Variants in CFAP126 observed in about 807,000 individuals in gnomAD.
CFAP126 encodes cilia and flagella associated protein 126.
Under a neutral mutation model 17.1 loss-of-function variants are expected in CFAP126, and 21 were observed. That is an observed-to-expected ratio of 1.23 (90% CI 0.87 to 1.77). The LOEUF is 1.77. Among genes scored for constraint, CFAP126 ranks in the 40% most tolerant of loss-of-function variants. The pLI, the probability that CFAP126 is intolerant of heterozygous loss-of-function variation, is 0.00. For missense variants in CFAP126, 174 were observed against 215.4 expected, an observed-to-expected ratio of 0.81 and a Z score of 1.20; for synonymous variants, 65 against 73.5, an observed-to-expected ratio of 0.88 and a Z score of 0.59.
At chr1:161,367,699 T>C in intron 1 of CFAP126, 143 bp downstream of exon 1, 1 of 801,812 alleles carries the variant, frequency 1.2e-6, no homozygotes, top group Admixed American at 2.2e-5. Flanking sequence ...CTGGGCTCTC[T>C]CTATCCCTGA....
At chr1:161,366,362 G>A in intron 2 of CFAP126, 77 bp downstream of exon 2, 1 of 1,569,164 alleles carries the variant, frequency 6.4e-7, no homozygotes, top group East Asian at 2.2e-5. Context: ...GGATATGGGA[G>A]TTTAGAGAAT....
chr1:161,365,431 A>G (rs1672694592), intron 4 of CFAP126, 95 bp downstream of exon 4: 4 of 1,442,352 alleles, frequency 2.8e-6, no homozygotes, highest in Non-Finnish European at 2.9e-6. Context: ...GAGGTCCCCC[A>G]TGCTGGGATA....
At chr1:161,365,498 T>C in intron 4 of CFAP126, 28 bp downstream of exon 4, 1 of 1,610,254 alleles carries the variant, frequency 6.2e-7, no homozygotes, top group Non-Finnish European at 8.5e-7. Context: ...GACTACAGGG[T>C]TTTGGGTTAG....
chr1:161,366,209 G>A lies in CFAP126; in HGVS notation c.160C>T (p.Pro54Ser), dbSNP rs1280980359. 7 of 1,610,972 alleles carry A rather than the reference G, an allele frequency of 4.3e-6. No individual in the cohort carries two copies. Among genetic ancestry groups the A allele is most frequent in the South Asian group, 1.1e-5 (1 of 91,018 alleles). ...NDRGHLLPSV[P>S]RSKANPWGSF... ...AGATAGTATCTCACCTTGGAACGGG[G>A]CACAGAAGGCAGTAGATGACCACGA... The change falls in exon 3 of 5, where the codon CCC (proline) becomes TCC (serine). Residue 54 changes from proline to serine, a missense_variant. Physicochemically the swap from Pro to Ser is moderately conservative, Grantham distance 74 (BLOSUM62 -1). Transcript: ENST00000367974.
At chr1:161,365,863 C>G (rs375748440) in intron 3 of CFAP126, 161 bp from the exon 4 acceptor site, 4 of 730,886 alleles carry the variant, frequency 5.5e-6, no homozygotes, top group Non-Finnish European at 6.6e-6. Context: ...CTCATTTAGG[C>G]TTTGCAGGCC....
Position 161,366,277 on chromosome 1 carries a change from C to A in CFAP126, c.92G>T (p.Ser31Ile). Residue 31 changes from serine to isoleucine, a missense_variant and splice_region_variant, in exon 3 of 5, where the codon AGC becomes ATC. Physicochemically the swap from Ser to Ile is moderately radical, Grantham distance 142. Coordinates refer to ENST00000367974, the MANE Select transcript of CFAP126 (RefSeq NM_001013625.4). ...NWSPTKPTKE[S>I]ISSHEGYTQI... ...AGTGTAGCCTTCATGAGAAGAGATG[C>A]TCTGGGGTACAAGTGGGAGAGATAA... 1 of 1,613,028 alleles carries A rather than the reference C, an allele frequency of 6.2e-7. No homozygotes were observed. Among genetic ancestry groups the A allele is most frequent in the Non-Finnish European group, 8.5e-7 (1 of 1,179,156 alleles).
intron 1 of CFAP126, 126 bp downstream of exon 1, chr1:161,367,716 A>G: frequency 1.1e-6 from 1 of 926,532 alleles, no homozygotes; most frequent in Non-Finnish European, 1.7e-6. Context: ...CTGAGGAGGT[A>G]AAATATTATC....
In CFAP126 at chr1:161,364,862, G is replaced by C. The variant is rs1479154069; in HGVS notation, c.*103C>G. On this transcript the variant is annotated 3_prime_UTR_variant, in exon 5 of 5. Transcript: ENST00000367974. The stretch of plus-strand genomic sequence containing the variant: ...AGTCGCTATACGGGTTTTTCAGTGT[G>C]TGGCCACTTGGTCCATATGAAGTTC... 4.5e-6 allele frequency: 5 copies of C among 1,110,332 alleles called. No homozygotes were observed. The Admixed American group carries it at 1.1e-4, about 24-fold the overall frequency. The allele number at this position is 1,110,332 out of a possible 1,614,324, so 68.8% of individuals were successfully genotyped here.
Position 161,364,778 on chromosome 1 carries a change from C to G in CFAP126, c.*187G>C. ...TTTATTTTCCAAATTTGCTTTTACT[C>G]CCACCCCAAAATTTCCCTGTTTCAC... On this transcript the variant is annotated 3_prime_UTR_variant, in exon 5 of 5. Coordinates refer to ENST00000367974, the MANE Select transcript of CFAP126 (RefSeq NM_001013625.4). 2 of 556,750 alleles carry G rather than the reference C, an allele frequency of 3.6e-6. No homozygotes were observed. Among genetic ancestry groups the G allele is most frequent in the Non-Finnish European group, 6.0e-6 (2 of 331,506 alleles). 34.5% of individuals were successfully genotyped at this position (556,750 alleles called of 1,614,324 possible).
At chr1:161,366,635 G>A in intron 1 of CFAP126, 134 bp from the exon 2 acceptor site, 1 of 809,746 alleles carries the variant, frequency 1.2e-6, no homozygotes, top group South Asian at 1.5e-5. Context: ...ACTATGACAA[G>A]GGTGTAATTT....
intron 3 of CFAP126, 97 bp from the exon 4 acceptor site, chr1:161,365,799 G>T: frequency 1.7e-6 from 2 of 1,146,220 alleles, no homozygotes; most frequent in Non-Finnish European, 2.5e-6. Flanking sequence ...AGGAATGCAT[G>T]GTTATGAAAC....
At chr1:161,365,471 G>T in intron 4 of CFAP126, 55 bp downstream of exon 4, 1 of 1,583,014 alleles carries the variant, frequency 6.3e-7, no homozygotes, top group South Asian at 1.1e-5. Flanking sequence ...CATTTTTTGA[G>T]GTTGAAAAGA....
chr1:161,365,426 C>A (rs2102392622), intron 4 of CFAP126, 100 bp downstream of exon 4: 2 of 1,397,156 alleles, frequency 1.4e-6, no homozygotes, highest in Non-Finnish European at 2.0e-6. Flanking sequence ...GGTTAGAGGT[C>A]CCCCATGCTG....
At chr1:161,366,544 C>T in intron 1 of CFAP126, 43 bp from the exon 2 acceptor site, 1 of 1,559,064 alleles carries the variant, frequency 6.4e-7, no homozygotes, top group Non-Finnish European at 8.8e-7. Context: ...CTTCAAGGCC[C>T]CAAACCCAGG....
In CFAP126 at chr1:161,364,985, G is replaced by C. The variant is rs1423065313; in HGVS notation, c.514C>G (p.Gln172Glu). The C allele has an allele frequency of 6.2e-7, 1 of 1,614,048 alleles. No individual in the cohort carries two copies. ...HPSAGHTPGP[Q>E]RPAKS ...GGCTCTTAGGATTTGGCTGGTCTTT[G>C]GGGACCTGGAGTATGACCTGCAGAG... Residue 172 changes from glutamine (Q) to glutamate (E), a missense_variant, in exon 5 of 5, where the codon CAA (glutamine) becomes GAA (glutamate). Gln to Glu is a conservative substitution (Grantham distance 29). Transcript: ENST00000367974.
At chr1:161,365,809 CAA>C in intron 3 of CFAP126, 107 bp from the exon 4 acceptor site, 1 of 1,084,388 alleles carries the variant, frequency 9.2e-7, no homozygotes, top group South Asian at 1.6e-5. Context: ...GGTTATGAAA[CAA>C]GACTGAAAGC....
rs777431624 is a variant in CFAP126 at position 161,367,838 on chromosome 1, T to C, written c.27+4A>G. 6.8e-6 allele frequency: 11 copies of C among 1,613,564 alleles called. No individual in the cohort carries two copies. In the South Asian group the frequency reaches 8.8e-5, roughly 13 times the overall value. On this transcript the variant is annotated splice_donor_region_variant and intron_variant, in intron 1 of 4. Coordinates refer to ENST00000367974, the MANE Select transcript of CFAP126 (RefSeq NM_001013625.4). The stretch of plus-strand genomic sequence containing the variant: ...CGTTAAAGAAATGGAGAATGGGAAC[T>C]TACCTGGTTGGCACTGTAGTTAGTG...
rs1672700306 is a variant in CFAP126, at chr1:161,365,559, G to A, written c.315C>T (p.Ala105=). 2 of 1,614,208 alleles carry A rather than the reference G, an allele frequency of 1.2e-6. No homozygotes were observed. Among genetic ancestry groups the A allele is most frequent in the African/African-American group, 1.3e-5 (1 of 75,036 alleles). The change falls in exon 4 of 5, where the codon GCC becomes GCT. Residue 105 remains alanine (A), a synonymous_variant. Coordinates refer to ENST00000367974, the MANE Select transcript of CFAP126 (RefSeq NM_001013625.4). ...WIQKNPDLLK[A]SNGLCPEILG... ...AGATTTCAGGACACAGCCCATTGGA[G>A]GCCTTGAGTAAATCAGGATTTTTCT...
At chr1:161,366,036 T>G in intron 3 of CFAP126, 162 bp downstream of exon 3, 1 of 682,368 alleles carries the variant, frequency 1.5e-6, no homozygotes. Context: ...CACAACTCTA[T>G]CCTGCTGGGT....
Sources: gnomAD v4.1 joint callset for allele counts on GRCh38, gnomAD v4.1.1 for gene constraint, MANE v1.5 for transcripts, NCBI Gene and HGNC (gene_info 2026-07-23, HGNC 2026-07-21) for gene names.